The following NRXN3 variants were observed in gnomAD, a reference collection of about 807,000 sequenced individuals.
NRXN3 encodes the protein neurexin 3, also known as neurexin III.
NRXN3 carries 32 observed loss-of-function variants against 137.6 expected under a neutral mutation model. The ratio of observed to expected loss-of-function variants is 0.23; its 90% confidence interval spans 0.18 to 0.31. NRXN3 has a LOEUF of 0.31. Among genes scored for constraint, NRXN3 ranks in the 10% least tolerant of loss-of-function variants. NRXN3 has a pLI of 1.00. For synonymous variants in NRXN3, 798 were observed against 784.5 expected (o/e 1.02, Z -0.29); for missense variants, 1,574 against 2,062.5 (o/e 0.76, Z 4.59).
At chr14:78,478,210 G>C (rs2095413076) in intron 4 of NRXN3, among the ~76,000 whole-genome samples, 1 of 152,082 alleles carries the variant, frequency 6.6e-6, no homozygotes, top group Admixed American at 6.6e-5. Flanking sequence ...AGTGATTTGG[G>C]GGGAAAATGG....
At chr14:79,376,210 G>GTATATATATATA (rs1422842626) in intron 15 of NRXN3, among the ~76,000 whole-genome samples, 1 of 40,794 alleles carries the variant, frequency 2.5e-5, no homozygotes, top group African/African-American at 9.0e-5. Flanking sequence ...GTGTGTGTGT[G>GTATATATATATA]TATGTATATA....
chr14:78,618,693 C>T (rs1313491073), intron 4 of NRXN3, among the ~76,000 whole-genome samples: 4 of 152,194 alleles, frequency 2.6e-5, no homozygotes, highest in Non-Finnish European at 5.9e-5. Flanking sequence ...CTCATTTCAT[C>T]TTCAAACAAT....
chr14:79,033,756 C>T (rs950968707), intron 15 of NRXN3, among the ~76,000 whole-genome samples: 6 of 151,984 alleles, frequency 3.9e-5, no homozygotes, highest in African/African-American at 1.4e-4. Flanking sequence ...AGTTAGTAAC[C>T]AAGATGTCTT....
At chr14:79,601,058 T>C (rs1335063927) in intron 16 of NRXN3, among the ~76,000 whole-genome samples, 2 of 143,412 alleles carry the variant, frequency 1.4e-5, no homozygotes, top group Non-Finnish European at 3.0e-5. Flanking sequence ...TTTTTTTTTT[T>C]TTTTGAGATG....
intron 4 of NRXN3, among the ~76,000 whole-genome samples, chr14:78,569,199 T>C (rs12100534): frequency 0.06 from 9,050 of 151,122 alleles, 449 homozygotes; most frequent in African/African-American, 0.15. Flanking sequence ...GATCTCCTGA[T>C]CTCAGGTGAT....
chr14:78,346,866 A>G (rs2082806673), intron 4 of NRXN3, among the ~76,000 whole-genome samples: 1 of 152,186 alleles, frequency 6.6e-6, no homozygotes, highest in African/African-American at 2.4e-5. Context: ...GCATGTGGGC[A>G]GAGGCTTGTC....
chr14:79,742,372 T>A (rs2098965997), intron 19 of NRXN3, among the ~76,000 whole-genome samples: 1 of 152,162 alleles, frequency 6.6e-6, no homozygotes, highest in African/African-American at 2.4e-5. Context: ...ACCATAATGA[T>A]AATTAACTCC....
chr14:79,710,044 G>GTTATGATTGTTGTCCTTT (rs1555651007), intron 19 of NRXN3, among the ~76,000 whole-genome samples: 1 of 152,036 alleles, frequency 6.6e-6, no homozygotes, highest in Non-Finnish European at 1.5e-5. Flanking sequence ...TGGGGTTTTT[G>GTTATGATTGTTGTCCTTT]TTATGATTGT....
intron 2 of NRXN3, among the ~76,000 whole-genome samples, chr14:78,269,501 T>A (rs1348183283): frequency 6.6e-6 from 1 of 152,186 alleles, no homozygotes; most frequent in East Asian, 1.9e-4. Context: ...AGATGGAAAG[T>A]GTGGAAGTGG....
chr14:79,725,940 T>C (rs772158345), intron 19 of NRXN3, among the ~76,000 whole-genome samples: 2 of 152,104 alleles, frequency 1.3e-5, no homozygotes, highest in African/African-American at 2.4e-5. Context: ...CTGATTCATA[T>C]CTCTACCTAG....
chr14:78,647,895 C>G (rs1310823134), intron 5 of NRXN3, among the ~76,000 whole-genome samples: 1 of 152,178 alleles, frequency 6.6e-6, no homozygotes, highest in Admixed American at 6.5e-5. Context: ...CTATAAAGAG[C>G]TCCATAAATA....
At chr14:79,792,865 G>T (rs1183279267) in intron 19 of NRXN3, among the ~76,000 whole-genome samples, 1 of 152,144 alleles carries the variant, frequency 6.6e-6, no homozygotes, top group East Asian at 1.9e-4. Context: ...CATCACTTCT[G>T]TGTATAAAAA....
At chr14:78,302,412 C>T (rs2076961795) in intron 4 of NRXN3, among the ~76,000 whole-genome samples, 2 of 152,182 alleles carry the variant, frequency 1.3e-5, no homozygotes, top group South Asian at 2.1e-4. Context: ...TCTTGTTTTA[C>T]GGATAAGAAC....
chr14:79,774,659 T>C (rs2099090935), intron 19 of NRXN3, among the ~76,000 whole-genome samples: 1 of 152,184 alleles, frequency 6.6e-6, no homozygotes, highest in African/African-American at 2.4e-5. Flanking sequence ...CACATATGCT[T>C]TGCTATCTGG....
chr14:78,475,176 A>G (rs1230947733), intron 4 of NRXN3, among the ~76,000 whole-genome samples: 1 of 152,210 alleles, frequency 6.6e-6, no homozygotes, highest in Non-Finnish European at 1.5e-5. Context: ...TGAGGGGTAC[A>G]GGGAGACTGG....
intron 10 of NRXN3, among the ~76,000 whole-genome samples, chr14:78,830,144 C>A (rs113902856): frequency 2.0e-5 from 3 of 152,040 alleles, no homozygotes; most frequent in African/African-American, 7.2e-5. Context: ...TGTATGGGTG[C>A]GTGTGTGTGT....
intron 10 of NRXN3, among the ~76,000 whole-genome samples, chr14:78,822,624 G>A (rs545455145): frequency 7.9e-5 from 12 of 151,302 alleles, no homozygotes; most frequent in Admixed American, 5.3e-4. Flanking sequence ...ACAGTGAGCC[G>A]AGATCGTGCC....
intron 4 of NRXN3, among the ~76,000 whole-genome samples, chr14:78,542,579 T>C (rs1216942494): frequency 6.6e-6 from 1 of 152,228 alleles, no homozygotes; most frequent in African/African-American, 2.4e-5. Context: ...TCCCGTTTTT[T>C]CCAGGTAGTC....
In NRXN3 at chr14:78,709,244, C is replaced by T. The variant is rs2098386477; in HGVS notation, c.1249C>T (p.Leu417=). ...TGTTTATAAGAATAATGACATCCGTCTGGAGCTGTCTCGCCTGGCCCGGAT... is the reference window on the plus strand; with the variant it reads ...TGTTTATAAGAATAATGACATCCGTTTGGAGCTGTCTCGCCTGGCCCGGAT... ...EVVYKNNDIR[L]ELSRLARIAD... Residue 417 remains leucine, a synonymous_variant, in exon 7 of 21, where the codon CTG becomes TTG. Coordinates refer to ENST00000335750, the MANE Select transcript of NRXN3 (RefSeq NM_001330195.2). The T allele has an allele frequency of 6.2e-7, 1 of 1,613,732 alleles. No individual in the cohort carries two copies.
Sources: allele counts gnomAD v4.1 joint callset (sites outside exome capture counted in the v4.1 genomes callset), GRCh38; gene constraint gnomAD v4.1.1; transcripts MANE v1.5; gene names NCBI Gene and HGNC (gene_info 2026-07-23, HGNC 2026-07-21).